The following AGPS variants were observed in gnomAD, a reference collection of about 807,000 sequenced individuals.
AGPS encodes the protein alkylglycerone phosphate synthase.
A neutral mutation model predicts 90.7 loss-of-function variants in AGPS; 26 were observed. That is an observed-to-expected ratio of 0.29 (90% CI 0.21 to 0.40). The LOEUF (loss-of-function observed/expected upper bound fraction) is 0.40. Ranked by LOEUF, AGPS falls within the 10% of genes least tolerant of loss-of-function variation. AGPS has a pLI of 1.00. For missense variants in AGPS, 540 were observed against 816.1 expected, an observed-to-expected ratio of 0.66 and a Z score of 4.12; for synonymous variants, 294 against 285.3, an observed-to-expected ratio of 1.03 and a Z score of -0.31.
chr2:177,516,927 T>C (rs1216932432), intron 17 of AGPS, among the ~76,000 whole-genome samples: 1 of 152,132 alleles, frequency 6.6e-6, no homozygotes, highest in Non-Finnish European at 1.5e-5. Context: ...AAGGGATCTT[T>C]TTTTTATGAG....
At chr2:177,438,635 GC>G (rs1315347381) in intron 5 of AGPS, among the ~76,000 whole-genome samples, 1 of 151,922 alleles carries the variant, frequency 6.6e-6, no homozygotes, top group African/African-American at 2.4e-5. Flanking sequence ...GGGTTTTCAT[GC>G]CGCATGTTTC....
intron 1 of AGPS, among the ~76,000 whole-genome samples, chr2:177,399,138 CT>C (rs1280874509): frequency 6.6e-6 from 1 of 152,180 alleles, no homozygotes; most frequent in Non-Finnish European, 1.5e-5. Flanking sequence ...ATTAAGTGAT[CT>C]GTTTTTAGGC....
At chr2:177,401,797 T>C (rs1274674339) in intron 1 of AGPS, among the ~76,000 whole-genome samples, 3 of 152,194 alleles carry the variant, frequency 2.0e-5, no homozygotes, top group Admixed American at 2.0e-4. Flanking sequence ...CTGTCCGCCT[T>C]GGCCTCCCAA....
At chr2:177,536,181 G>A (rs2079182453) in intron 19 of AGPS, among the ~76,000 whole-genome samples, 2 of 152,086 alleles carry the variant, frequency 1.3e-5, no homozygotes. Context: ...TAGCTGTTGG[G>A]CATCCTGCTG....
intron 11 of AGPS, among the ~76,000 whole-genome samples, chr2:177,485,110 G>A (rs1688056988): frequency 6.6e-6 from 1 of 152,126 alleles, no homozygotes; most frequent in Non-Finnish European, 1.5e-5. Context: ...TATAAAAGTA[G>A]TTTGGATTTG....
chr2:177,441,917 A>G (rs988557999), intron 6 of AGPS, among the ~76,000 whole-genome samples: 2 of 152,250 alleles, frequency 1.3e-5, no homozygotes, highest in African/African-American at 2.4e-5. Context: ...TAATCTAGAC[A>G]TTTTAAGCTT....
chr2:177,416,413 C>A (rs1685785374), intron 1 of AGPS, among the ~76,000 whole-genome samples: 1 of 152,162 alleles, frequency 6.6e-6, no homozygotes. Flanking sequence ...CCAGCTAATA[C>A]TTGCTTTTTC....
At chr2:177,402,190 A>G (rs891750549) in intron 1 of AGPS, among the ~76,000 whole-genome samples, 1 of 152,254 alleles carries the variant, frequency 6.6e-6, no homozygotes, top group Non-Finnish European at 1.5e-5. Context: ...AAGGATGTCA[A>G]TGAAAACATG....
intron 8 of AGPS, among the ~76,000 whole-genome samples, chr2:177,448,168 C>T (rs1686832183): frequency 6.6e-6 from 1 of 152,038 alleles, no homozygotes; most frequent in Non-Finnish European, 1.5e-5. Flanking sequence ...CACTGCAAAC[C>T]TCAATATAGC....
At chr2:177,521,981 T>A (rs1453392338) in intron 18 of AGPS, among the ~76,000 whole-genome samples, 1 of 152,224 alleles carries the variant, frequency 6.6e-6, no homozygotes, top group Non-Finnish European at 1.5e-5. Context: ...TTCTACTGTT[T>A]TAACTGCATT....
intron 18 of AGPS, among the ~76,000 whole-genome samples, chr2:177,523,310 A>G (rs1689252717): frequency 1.3e-5 from 2 of 152,250 alleles, no homozygotes; most frequent in African/African-American, 4.8e-5. Flanking sequence ...ATAAAGCTAT[A>G]CTGAAAATAA....
intron 8 of AGPS, among the ~76,000 whole-genome samples, chr2:177,458,429 A>G (rs1687185470): frequency 6.6e-6 from 1 of 152,226 alleles, no homozygotes. Flanking sequence ...ATGATTGTAT[A>G]TTTAGAAAAC....
intron 14 of AGPS, among the ~76,000 whole-genome samples, chr2:177,500,587 T>G (rs1273589541): frequency 6.6e-6 from 1 of 152,016 alleles, no homozygotes; most frequent in East Asian, 1.9e-4. Context: ...GCCCTTTATT[T>G]CTAGGGTTGT....
rs554244769 is a variant in AGPS at position 177,423,306 on chromosome 2, C to T, written c.350+2948C>T. ...AAAGAGAAAATGGAATTCATGACTA[C>T]GAAGACTGAGTACAAGAAAACACTG... On this transcript the variant is annotated intron_variant, in intron 2 of 19. Coordinates refer to ENST00000264167, the MANE Select transcript of AGPS (RefSeq NM_003659.4). Among the ~76,000 whole-genome samples, 25 of 16,146 alleles carry T rather than the reference C, an allele frequency of 1.5e-3. 9 individuals carry two copies. The highest frequency in any genetic ancestry group is 3.1e-3 in the African/African-American group (25 of 8,016). 10.6% of individuals were successfully genotyped at this position (16,146 alleles called of 152,430 possible). A position where few individuals can be genotyped will look rare whatever the true frequency, so the allele number is the denominator to read the frequency against.
intron 2 of AGPS, among the ~76,000 whole-genome samples, chr2:177,425,640 A>AG (rs1351481378): frequency 6.7e-6 from 1 of 150,156 alleles, no homozygotes; most frequent in Non-Finnish European, 1.5e-5. Context: ...AAAAAAAAAA[A>AG]AAAAGGAAAT....
intron 16 of AGPS, among the ~76,000 whole-genome samples, chr2:177,513,427 A>G (rs1453832949): frequency 1.3e-5 from 2 of 152,212 alleles, no homozygotes; most frequent in East Asian, 1.9e-4. Flanking sequence ...CTTCTTAGAC[A>G]TGGGTAAAGA....
chr2:177,437,707 A>G (rs1477272337), intron 5 of AGPS, among the ~76,000 whole-genome samples: 3 of 152,152 alleles, frequency 2.0e-5, no homozygotes, highest in African/African-American at 4.8e-5. Flanking sequence ...AAAGAGTTCT[A>G]TTGATCTTCT....
At chr2:177,499,830 C>A in intron 14 of AGPS, 100 bp downstream of exon 14, 1 of 773,604 alleles carries the variant, frequency 1.3e-6, no homozygotes, top group Non-Finnish European at 2.3e-6. Flanking sequence ...TGTCTCCAAA[C>A]AGACTGCATG....
At chr2:177,397,263 A>C (rs540109365) in intron 1 of AGPS, among the ~76,000 whole-genome samples, 1 of 152,034 alleles carries the variant, frequency 6.6e-6, no homozygotes, top group Admixed American at 6.5e-5. Context: ...ATCCCGGAAC[A>C]TATGTTCTCA....
Sources: allele counts gnomAD v4.1 joint callset (sites outside exome capture counted in the v4.1 genomes callset), GRCh38; gene constraint gnomAD v4.1.1; transcripts MANE v1.5; gene names NCBI Gene and HGNC (gene_info 2026-07-23, HGNC 2026-07-21).